The following MROH9 variants were observed in gnomAD, a reference collection of about 807,000 sequenced individuals.
MROH9 encodes the protein maestro heat-like repeat-containing protein family member 9.
MROH9 carries 92 observed loss-of-function variants against 98.2 expected under a neutral mutation model. The ratio of observed to expected loss-of-function variants is 0.94; its 90% CI spans 0.79 to 1.11. MROH9 has a LOEUF of 1.11. Ranked by LOEUF, MROH9 falls within the 50% of genes most tolerant of loss-of-function variation. The pLI is 0.00. For synonymous variants in MROH9, 397 were observed against 368.9 expected (o/e 1.08, Z -0.87); for missense variants, 1,057 against 1,014.8 (o/e 1.04, Z -0.57).
At chr1:170,986,503 G>C in intron 9 of MROH9, 58 bp from the exon 10 acceptor site, 1 of 1,543,618 alleles carries the variant, frequency 6.5e-7, no homozygotes, top group Non-Finnish European at 8.8e-7. Context: ...TCTGAGTTTA[G>C]CTGTCTTATG....
chr1:171,055,504 T>G (rs1176354433), intron 20 of MROH9, among the ~76,000 whole-genome samples: 1 of 151,616 alleles, frequency 6.6e-6, no homozygotes, highest in Non-Finnish European at 1.5e-5. Context: ...ATGCCTGTAA[T>G]TCCAGCTACT....
rs969173283 is a variant in MROH9 at position 170,971,968 on chromosome 1, G to A, written c.616+85G>A. The A allele has an allele frequency of 2.3e-5, 32 of 1,394,460 alleles. No homozygotes were observed. In the Admixed American group the frequency reaches 2.4e-4, roughly 10 times the overall value. The allele number at this position is 1,394,460 out of a possible 1,614,324, so 86.4% of individuals were successfully genotyped here. On this transcript the variant is annotated intron_variant, in intron 8 of 21. Coordinates refer to ENST00000367759, the MANE Select transcript of MROH9 (RefSeq NM_001163629.2). ...CTTATAGGTCCTGGGAAGGCTCTAC[G>A]TCTGTTAATTTCTAAATCCTGCCCC...
intron 17 of MROH9, among the ~76,000 whole-genome samples, chr1:171,018,677 G>T (rs1260798239): frequency 6.6e-6 from 1 of 152,150 alleles, no homozygotes; most frequent in Admixed American, 6.5e-5. Flanking sequence ...TAGAGGAGCT[G>T]CTAACTAGAA....
chr1:170,965,318 T>C (rs763006744), intron 7 of MROH9, 63 bp downstream of exon 7: 6 of 1,151,538 alleles, frequency 5.2e-6, no homozygotes, highest in Non-Finnish European at 7.8e-6. Context: ...AGTGCTGCTT[T>C]CCATGTCTTG....
chr1:171,008,488 T>C (rs1178193694), intron 15 of MROH9, among the ~76,000 whole-genome samples: 1 of 152,254 alleles, frequency 6.6e-6, no homozygotes, highest in Non-Finnish European at 1.5e-5. Context: ...TAAATACTTT[T>C]CTGTACAATG....
At chr1:170,985,100 A>G (rs1048647001) in intron 9 of MROH9, among the ~76,000 whole-genome samples, 35 of 152,182 alleles carry the variant, frequency 2.3e-4, no homozygotes, top group African/African-American at 8.0e-4. Flanking sequence ...TGTTTTGCAA[A>G]GGATCCACAG....
chr1:170,988,370 G>A (rs755424123), intron 10 of MROH9, among the ~76,000 whole-genome samples: 82 of 152,252 alleles, frequency 5.4e-4, no homozygotes, highest in Non-Finnish European at 9.7e-4. Context: ...GGAGCATTCT[G>A]TAGGGCAAAC....
At chr1:170,937,015 T>C (rs923169364) in intron 1 of MROH9, among the ~76,000 whole-genome samples, 1 of 152,210 alleles carries the variant, frequency 6.6e-6, no homozygotes, top group Non-Finnish European at 1.5e-5. Context: ...ACCTTGCAGC[T>C]GCACAGCTAG....
chr1:170,965,828 T>C (rs1650213896), intron 7 of MROH9, among the ~76,000 whole-genome samples: 1 of 152,138 alleles, frequency 6.6e-6, no homozygotes, highest in African/African-American at 2.4e-5. Flanking sequence ...ATTGTTTCTT[T>C]ACTAAAGTTA....
At chr1:170,976,376 A>C (rs906746545) in intron 8 of MROH9, among the ~76,000 whole-genome samples, 15 of 152,162 alleles carry the variant, frequency 9.9e-5, no homozygotes, top group Non-Finnish European at 1.9e-4. Context: ...CTTGTCTAAA[A>C]AGGGTCTTAT....
intron 3 of MROH9, among the ~76,000 whole-genome samples, chr1:170,949,945 A>G (rs573202596): frequency 3.4e-4 from 52 of 152,206 alleles, no homozygotes; most frequent in African/African-American, 1.2e-3. Flanking sequence ...TATTCCAATG[A>G]TAGTAAAAAT....
intron 9 of MROH9, among the ~76,000 whole-genome samples, chr1:170,985,304 A>G (rs1651089072): frequency 6.6e-6 from 1 of 152,162 alleles, no homozygotes; most frequent in Non-Finnish European, 1.5e-5. Context: ...TCTGTGGACT[A>G]TTAAGTTAAT....
intron 17 of MROH9, among the ~76,000 whole-genome samples, chr1:171,018,903 G>C (rs1652418308): frequency 6.6e-6 from 1 of 151,700 alleles, no homozygotes; most frequent in African/African-American, 2.4e-5. Context: ...ATAGGGGACA[G>C]ATCAACAAGA....
At position 170,961,993 on chromosome 1, in the gene MROH9, T is replaced by C. The variant is rs976797115; in HGVS notation, c.375+17T>C. On this transcript the variant is annotated intron_variant, in intron 6 of 21. Transcript: ENST00000367759. ...ATCTTAAAGGTAAAGAGGAAATAAG[T>C]AGTTTAATTTTCTTGTCATAAGTCT... The C allele has an allele frequency of 2.9e-6, 4 of 1,391,832 alleles. No individual in the cohort carries two copies. The highest frequency in any genetic ancestry group is 3.0e-5 in the African/African-American group (2 of 66,808). The allele number at this position is 1,391,832 out of a possible 1,614,324, so 86.2% of individuals were successfully genotyped here.
intron 3 of MROH9, among the ~76,000 whole-genome samples, chr1:170,949,833 C>G (rs546367292): frequency 6.6e-6 from 1 of 151,924 alleles, no homozygotes; most frequent in Non-Finnish European, 1.5e-5. Context: ...AAACATATTT[C>G]CCCCAATTCC....
intron 3 of MROH9, among the ~76,000 whole-genome samples, chr1:170,958,123 A>C (rs990646634): frequency 6.6e-5 from 10 of 151,832 alleles, no homozygotes; most frequent in Non-Finnish European, 1.0e-4. Context: ...TGGCATTTTT[A>C]TAGGTAGACT....
intron 15 of MROH9, among the ~76,000 whole-genome samples, chr1:171,013,910 CACACAG>C (rs748542708): frequency 1.7e-3 from 244 of 143,952 alleles, no homozygotes; most frequent in African/African-American, 5.6e-3. Context: ...CACACACACA[CACACAG>C]ACAGACAAAA....
intron 20 of MROH9, among the ~76,000 whole-genome samples, chr1:171,034,015 C>T (rs991934462): frequency 3.3e-5 from 5 of 151,990 alleles, no homozygotes; most frequent in Non-Finnish European, 5.9e-5. Context: ...AATTCTTCAA[C>T]AATTCTTTAT....
chr1:170,948,762 C>A (rs1022752588), intron 3 of MROH9, among the ~76,000 whole-genome samples: 2 of 151,964 alleles, frequency 1.3e-5, no homozygotes, highest in Non-Finnish European at 2.9e-5. Flanking sequence ...TGACTTTGGG[C>A]CAGAGAAGAT....
Sources: allele counts gnomAD v4.1 joint callset (sites outside exome capture counted in the v4.1 genomes callset), GRCh38; gene constraint gnomAD v4.1.1; transcripts MANE v1.5; gene names NCBI Gene and HGNC (gene_info 2026-07-23, HGNC 2026-07-21).